The following CACNA2D3 variants were observed in gnomAD, a reference collection of about 807,000 sequenced individuals.
CACNA2D3 encodes the protein calcium voltage-gated channel auxiliary subunit alpha2delta 3, also known as voltage-dependent calcium channel subunit alpha-2/delta-3.
In CACNA2D3, 60 loss-of-function variants were observed where a neutral mutation model predicts 160.6. The observed-to-expected ratio is 0.37, with a 90% CI of 0.30 to 0.46. The LOEUF is 0.46. Among genes scored for constraint, CACNA2D3 ranks in the 20% least tolerant of loss-of-function variants. The pLI is 1.00. For missense variants in CACNA2D3, 1,205 were observed against 1,365.0 expected (o/e 0.88, Z 1.85); for synonymous variants, 558 against 492.9 (o/e 1.13, Z -1.75).
rs535863989 is a variant in CACNA2D3, at chr3:54,594,907, A to G, written c.963+13030A>G. ...CACATGCGGGTATACACAATCAGTAAGTGCGCAACCACATCATGAATACTC... is the reference window on the plus strand; with the variant it reads ...CACATGCGGGTATACACAATCAGTAGGTGCGCAACCACATCATGAATACTC... On this transcript the variant is annotated intron_variant, in intron 9 of 37. Coordinates refer to ENST00000474759, the MANE Select transcript of CACNA2D3 (RefSeq NM_018398.3). Among the ~76,000 whole-genome samples, 4 of 152,312 alleles carry G rather than the reference A, an allele frequency of 2.6e-5. No homozygotes were observed. The South Asian group carries it at 8.3e-4, about 32-fold the overall frequency.
intron 2 of CACNA2D3, among the ~76,000 whole-genome samples, chr3:54,171,565 A>T: frequency 6.6e-6 from 1 of 152,220 alleles, no homozygotes; most frequent in East Asian, 1.9e-4. Context: ...AAAACAACTC[A>T]GATGTCTCTT....
chr3:54,652,805 C>T (rs1699799790), intron 11 of CACNA2D3, among the ~76,000 whole-genome samples: 1 of 110,822 alleles, frequency 9.0e-6, no homozygotes, highest in South Asian at 3.1e-4. Context: ...TTTTTTGAGA[C>T]CGAGTTTCGC....
At chr3:54,465,991 C>T (rs1166382833) in intron 4 of CACNA2D3, among the ~76,000 whole-genome samples, 1 of 152,148 alleles carries the variant, frequency 6.6e-6, no homozygotes. Context: ...TGCTGGTTGT[C>T]CTTGTCCCTT....
At chr3:54,773,054 G>T (rs1336091058) in intron 13 of CACNA2D3, among the ~76,000 whole-genome samples, 1 of 152,200 alleles carries the variant, frequency 6.6e-6, no homozygotes, top group Non-Finnish European at 1.5e-5. Flanking sequence ...CCTCCCGTTT[G>T]CTGGTAATGC....
chr3:54,775,318 A>G (rs1297836132), intron 13 of CACNA2D3, among the ~76,000 whole-genome samples: 2 of 152,216 alleles, frequency 1.3e-5, no homozygotes, highest in African/African-American at 4.8e-5. Flanking sequence ...TTATGATACC[A>G]TACTGTTAAG....
At chr3:54,411,330 A>T (rs2106727471) in intron 4 of CACNA2D3, among the ~76,000 whole-genome samples, 1 of 152,362 alleles carries the variant, frequency 6.6e-6, no homozygotes. Flanking sequence ...ACAACATTGC[A>T]TGCTACTGAG....
intron 13 of CACNA2D3, among the ~76,000 whole-genome samples, chr3:54,766,028 G>C (rs1322260079): frequency 6.6e-6 from 1 of 152,066 alleles, no homozygotes; most frequent in East Asian, 1.9e-4. Flanking sequence ...AAGAAAACCT[G>C]GGTAAATTCC....
At chr3:54,374,118 T>C (rs565897408) in intron 3 of CACNA2D3, among the ~76,000 whole-genome samples, 3 of 152,204 alleles carry the variant, frequency 2.0e-5, no homozygotes, top group Non-Finnish European at 4.4e-5. Context: ...AATTAAAGGC[T>C]TATTTGATAG....
rs545950734 is a variant in CACNA2D3 at position 54,252,336 on chromosome 3, C to T, written c.205-68106C>T. Among the ~76,000 whole-genome samples the T allele has an allele frequency of 3.2e-4, 48 of 152,224 alleles. No individual in the cohort carries two copies. In the South Asian group the frequency reaches 3.5e-3, roughly 11 times the overall value. ...TATACAAGGACTTACTTGTAGAAAA[C>T]AGCAGCCCAACTCATTACAGAAATA... On this transcript the variant is annotated intron_variant, in intron 2 of 37. Coordinates refer to ENST00000474759, the MANE Select transcript of CACNA2D3 (RefSeq NM_018398.3).
At chr3:54,552,420 G>A (rs997550435) in intron 5 of CACNA2D3, among the ~76,000 whole-genome samples, 10 of 152,268 alleles carry the variant, frequency 6.6e-5, no homozygotes, top group African/African-American at 1.2e-4. Context: ...CGTGGACTGC[G>A]CCTTCCCTGC....
At chr3:54,454,356 C>A (rs1196543813) in intron 4 of CACNA2D3, among the ~76,000 whole-genome samples, 1 of 152,128 alleles carries the variant, frequency 6.6e-6, no homozygotes, top group Admixed American at 6.5e-5. Context: ...CCCAAAAGTT[C>A]TCTTGTACCC....
intron 4 of CACNA2D3, among the ~76,000 whole-genome samples, chr3:54,446,403 C>T (rs1395792936): frequency 6.6e-6 from 1 of 152,130 alleles, no homozygotes; most frequent in Non-Finnish European, 1.5e-5. Context: ...TAAGGACCCA[C>T]AGGTGGTGAA....
intron 4 of CACNA2D3, among the ~76,000 whole-genome samples, chr3:54,419,317 CAGAG>C (rs756843844): frequency 6.6e-6 from 1 of 152,206 alleles, no homozygotes; most frequent in Non-Finnish European, 1.5e-5. Flanking sequence ...TCTTACTAGT[CAGAG>C]AGAACAAAAG....
intron 11 of CACNA2D3, among the ~76,000 whole-genome samples, chr3:54,719,168 T>C (rs1460182563): frequency 6.6e-6 from 1 of 150,648 alleles, no homozygotes; most frequent in Non-Finnish European, 1.5e-5. Context: ...GATTTCTTTT[T>C]TTTTTTTTTT....
In CACNA2D3 at chr3:54,899,923, G is replaced by A. The variant is rs72876054; in HGVS notation, c.2449+55G>A. On this transcript the variant is annotated intron_variant, in intron 27 of 37. Coordinates refer to ENST00000474759, the MANE Select transcript of CACNA2D3 (RefSeq NM_018398.3). The stretch of plus-strand genomic sequence containing the variant: ...AAGTAAGCATGGCGCCCATTCATCC[G>A]GCCAGTGGGCTACTTCTGTGAGGCA... 9.5e-4 allele frequency: 1,206 copies of A among 1,274,738 alleles called. 10 individuals are homozygous for A. The African/African-American group carries it at 0.016, about 16-fold the overall frequency. 79.0% of individuals were successfully genotyped at this position (1,274,738 alleles called of 1,614,324 possible). A position where few individuals can be genotyped will look rare whatever the true frequency, so the allele number is the denominator to read the frequency against.
intron 11 of CACNA2D3, among the ~76,000 whole-genome samples, chr3:54,723,930 A>G (rs1050324898): frequency 6.6e-6 from 1 of 152,214 alleles, no homozygotes; most frequent in Non-Finnish European, 1.5e-5. Flanking sequence ...TATTAACCTT[A>G]AATGTAAATG....
chr3:54,275,644 G>A (rs970777672), intron 2 of CACNA2D3, among the ~76,000 whole-genome samples: 1 of 144,444 alleles, frequency 6.9e-6, no homozygotes, highest in African/African-American at 2.5e-5. Context: ...TTGAGACAAA[G>A]TCTCACTCTG....
intron 18 of CACNA2D3, among the ~76,000 whole-genome samples, chr3:54,872,119 G>A (rs773746543): frequency 2.0e-5 from 3 of 152,080 alleles, no homozygotes; most frequent in Non-Finnish European, 4.4e-5. Flanking sequence ...CTGCTTGGTC[G>A]GCTGCCCATT....
intron 2 of CACNA2D3, among the ~76,000 whole-genome samples, chr3:54,288,027 G>A (rs1703078711): frequency 6.6e-6 from 1 of 151,914 alleles, no homozygotes; most frequent in South Asian, 2.1e-4. Context: ...AAAAGCAAGA[G>A]CAAACACATT....
Sources: allele counts gnomAD v4.1 joint callset (sites outside exome capture counted in the v4.1 genomes callset), GRCh38; gene constraint gnomAD v4.1.1; transcripts MANE v1.5; gene names NCBI Gene and HGNC (gene_info 2026-07-23, HGNC 2026-07-21).